ADCY7: variants seen among roughly 807,000 people sequenced by gnomAD.
ADCY7 encodes adenylate cyclase 7.
ADCY7 carries 72 observed loss-of-function variants against 120.6 expected under a neutral mutation model. The observed-to-expected ratio is 0.60, with a 90% CI of 0.49 to 0.73. The LOEUF is 0.73. Ranked by LOEUF, ADCY7 falls within the 30% of genes least tolerant of loss-of-function variation. ADCY7 has a pLI of 0.00. For synonymous variants in ADCY7, 661 were observed against 628.0 expected (o/e 1.05, Z -0.78); for missense variants, 1,227 against 1,486.0 (o/e 0.83, Z 2.87).
chr16:50,295,230 G>A (rs2035267882), intron 7 of ADCY7, among the ~76,000 whole-genome samples: 1 of 152,030 alleles, frequency 6.6e-6, no homozygotes, highest in South Asian at 2.1e-4. Flanking sequence ...GAAGGCTGGA[G>A]TGCAGTGGTG....
chr16:50,259,141 T>A (rs1047484236), intron 1 of ADCY7, among the ~76,000 whole-genome samples: 1 of 152,212 alleles, frequency 6.6e-6, no homozygotes, highest in African/African-American at 2.4e-5. Context: ...CTGTGCCAAA[T>A]TCTATCACCT....
intron 14 of ADCY7, among the ~76,000 whole-genome samples, chr16:50,306,573 TG>T (rs546289664): frequency 2.6e-4 from 5 of 19,534 alleles, no homozygotes; most frequent in Non-Finnish European, 4.6e-4. Context: ...TGGGTGGGAG[TG>T]GGGGTGGGGG....
At position 50,250,389 on chromosome 16, in the gene ADCY7, G is replaced by A. The variant is rs556017181; in HGVS notation, c.-64+4186G>A. Among the ~76,000 whole-genome samples, 16 of 150,778 alleles carry A rather than the reference G, an allele frequency of 1.1e-4. No individual in the cohort carries two copies. The East Asian group carries it at 2.9e-3, about 28-fold the overall frequency. ...GGAGAATCGCTTGAACCCGGGAGGC[G>A]GAGGTTGCAGTGAGCCGAGATCACG... On this transcript the variant is annotated intron_variant, in intron 1 of 4. Coordinates refer to the ADCY7 transcript ENST00000564044.
At position 50,315,974 on chromosome 16, in the gene ADCY7, T is replaced by C. The variant is rs2036780571; in HGVS notation, c.*469T>C. 1 of 155,600 alleles carries C rather than the reference T, an allele frequency of 6.4e-6. No individual in the cohort carries two copies. The highest frequency in any genetic ancestry group is 6.3e-5 in the Admixed American group (1 of 15,780). 9.6% of individuals were successfully genotyped at this position (155,600 alleles called of 1,614,324 possible). A position where few individuals can be genotyped will look rare whatever the true frequency, so the allele number is the denominator to read the frequency against. ...CCTGGTGGGCCTGGCAATGACAGCA[T>C]TTCTCACAGAGGCATTCTGGTAAAT... On this transcript the variant is annotated 3_prime_UTR_variant, in exon 26 of 26. Transcript: ENST00000673801.
chr16:50,291,652 G>A (rs1567554609), intron 3 of ADCY7, 84 bp from the exon 4 acceptor site: 4 of 1,533,728 alleles, frequency 2.6e-6, no homozygotes, highest in African/African-American at 2.7e-5. Context: ...CGCACTGGGT[G>A]GGCTGCTGTG....
At position 50,288,142 on chromosome 16, in the gene ADCY7, T is replaced by C; in HGVS notation, c.-38T>C. 6.6e-7 allele frequency: 1 copy of C among 1,516,326 alleles called. No homozygotes were observed. The highest frequency in any genetic ancestry group is 8.9e-7 in the Non-Finnish European group (1 of 1,127,570). The allele number at this position is 1,516,326 out of a possible 1,614,324, so 93.9% of individuals were successfully genotyped here. A position where few individuals can be genotyped will look rare whatever the true frequency, so the allele number is the denominator to read the frequency against. Reference sequence around the variant, plus strand: ...TGCCCTCCAGGCCCTGGGGCCTCCTTAACGGCCCCTTAACGACACGCGTGC... The same window carrying C: ...TGCCCTCCAGGCCCTGGGGCCTCCTCAACGGCCCCTTAACGACACGCGTGC... On this transcript the variant is annotated 5_prime_UTR_variant, in exon 2 of 26. Coordinates refer to ENST00000673801, the MANE Select transcript of ADCY7 (RefSeq NM_001114.5).
chr16:50,298,295 A>T (rs988574684), intron 7 of ADCY7, among the ~76,000 whole-genome samples: 1 of 151,984 alleles, frequency 6.6e-6, no homozygotes, highest in Admixed American at 6.5e-5. Flanking sequence ...TTGTGGCCCC[A>T]GGGCTCCTGT....
intron 7 of ADCY7, among the ~76,000 whole-genome samples, chr16:50,295,618 C>T (rs1169059819): frequency 1.3e-5 from 2 of 152,116 alleles, no homozygotes; most frequent in East Asian, 1.9e-4. Context: ...ATGGGGTGAA[C>T]GTGCTCAGTG....
At position 50,315,712 on chromosome 16, in the gene ADCY7, G is replaced by C; in HGVS notation, c.*207G>C. 1.8e-6 allele frequency: 1 copy of C among 565,888 alleles called. No homozygotes were observed. Among genetic ancestry groups the C allele is most frequent in the Non-Finnish European group, 3.0e-6 (1 of 329,288 alleles). The allele number at this position is 565,888 out of a possible 1,614,324, so 35.1% of individuals were successfully genotyped here. On this transcript the variant is annotated 3_prime_UTR_variant, in exon 26 of 26. Coordinates refer to ENST00000673801, the MANE Select transcript of ADCY7 (RefSeq NM_001114.5). ...CCACTGAGCCATAATGCGCAGGGGA[G>C]GCCAGAAGCTCTGTGCCTGGTCTGT...
chr16:50,312,389 G>C (rs940985078), intron 21 of ADCY7, among the ~76,000 whole-genome samples, 198 bp downstream of exon 21: 1 of 152,206 alleles, frequency 6.6e-6, no homozygotes, highest in Non-Finnish European at 1.5e-5. Context: ...CTCAAGTGTG[G>C]TCGTGAACAA....
intron 1 of ADCY7, among the ~76,000 whole-genome samples, chr16:50,252,106 G>A (rs750473473): frequency 2.0e-5 from 3 of 152,146 alleles, no homozygotes; most frequent in Non-Finnish European, 2.9e-5. Context: ...CCTTGAGGAC[G>A]GTGCAGGAGG....
intron 18 of ADCY7, among the ~76,000 whole-genome samples, chr16:50,309,914 C>A (rs372345934): frequency 6.6e-6 from 1 of 152,088 alleles, no homozygotes; most frequent in Non-Finnish European, 1.5e-5. Context: ...TGGCCTTGTG[C>A]GGGTCTCTGG....
rs767477214 is a variant in ADCY7, at chr16:50,305,846, C to T, written c.1749C>T (p.Arg583=). 1.6e-4 allele frequency: 259 copies of T among 1,613,552 alleles called. No homozygotes were observed. Among genetic ancestry groups the T allele is most frequent in the Middle Eastern group, 3.3e-4 (2 of 6,084 alleles). Residue 583 remains arginine (R), a synonymous_variant, in exon 14 of 26, where the codon CGC becomes CGT. Coordinates refer to ENST00000673801, the MANE Select transcript of ADCY7 (RefSeq NM_001114.5). ...GSIFLEKGFE[R]EYRLAPIPRA... ...TCTTCCTGGAGAAGGGCTTTGAGCG[C>T]GAGGTGAGGGCCCCCAGCAGCCTCC...
chr16:50,255,675 A>G (rs911629094), intron 1 of ADCY7, among the ~76,000 whole-genome samples: 8 of 152,088 alleles, frequency 5.3e-5, no homozygotes, highest in Non-Finnish European at 1.2e-4. Context: ...TATTTTTTGT[A>G]GAGATGGGGT....
chr16:50,257,313 G>A (rs4470143), intron 1 of ADCY7, among the ~76,000 whole-genome samples: 14 of 152,122 alleles, frequency 9.2e-5, no homozygotes, highest in Non-Finnish European at 1.9e-4. Context: ...TGTAGGTAAG[G>A]GGGGCAGGGG....
At chr16:50,313,783 A>C (rs1435125880) in intron 22 of ADCY7, 175 bp from the exon 23 acceptor site, 9 of 591,822 alleles carry the variant, frequency 1.5e-5, no homozygotes, top group Non-Finnish European at 2.7e-5. Flanking sequence ...GGAGCCGCCA[A>C]GGGCCATGTC....
chr16:50,278,870 CTCTCT>C (rs758920805), intron 1 of ADCY7, among the ~76,000 whole-genome samples: 108 of 117,942 alleles, frequency 9.2e-4, no homozygotes, highest in Non-Finnish European at 9.1e-4. Flanking sequence ...CTCTCTCTCT[CTCTCT>C]TTTTTTTTTT....
At chr16:50,313,689 T>C (rs1015193190) in intron 22 of ADCY7, 1 of 415,952 alleles carries the variant, frequency 2.4e-6, no homozygotes, top group Non-Finnish European at 4.3e-6. Flanking sequence ...CATTCCTGTG[T>C]AGATAATGCT....
Position 50,307,073 on chromosome 16 carries a change from G to A in ADCY7, c.1776G>A (p.Arg592=). The A allele has an allele frequency of 1.2e-6, 2 of 1,609,636 alleles. No homozygotes were observed. The highest frequency in any genetic ancestry group is 1.7e-6 in the Non-Finnish European group (2 of 1,179,906). The change falls in exon 15 of 26, where the codon CGG becomes CGA. Residue 592 remains arginine (R), a synonymous_variant. Coordinates refer to ENST00000673801, the MANE Select transcript of ADCY7 (RefSeq NM_001114.5). The part of the protein sequence containing the change: ...EREYRLAPIP[R]ARHDFACASL... ...AGTACCGCCTGGCACCCATCCCCCG[G>A]GCCCGCCACGACTTTGCCTGCGCCA...
Sources: allele counts gnomAD v4.1 joint callset (sites outside exome capture counted in the v4.1 genomes callset), GRCh38; gene constraint gnomAD v4.1.1; transcripts MANE v1.5; gene names NCBI Gene and HGNC (gene_info 2026-07-23, HGNC 2026-07-21).